Variants in CATSPER2 observed in about 807,000 individuals in gnomAD.
CATSPER2 encodes the protein cation channel sperm-associated protein 2.
In CATSPER2, 56 loss-of-function variants were observed where a neutral mutation model predicts 68.8. The observed-to-expected ratio is 0.81, with a 90% CI of 0.66 to 1.02. The LOEUF (loss-of-function observed/expected upper bound fraction) is 1.02, where lower values mean the gene tolerates loss of function less well. CATSPER2 is among the 50% of genes least tolerant of loss of function. The pLI is 0.00. For synonymous variants in CATSPER2, 198 were observed against 229.9 expected (o/e 0.86, Z 1.26); for missense variants, 582 against 642.0 (o/e 0.91, Z 1.01).
At chr15:43,644,863 G>T (rs898822490) in intron 4 of CATSPER2, among the ~76,000 whole-genome samples, 2 of 151,890 alleles carry the variant, frequency 1.3e-5, no homozygotes, top group African/African-American at 4.8e-5. Flanking sequence ...CAAGGCTTAG[G>T]ACTATAATTC....
intron 4 of CATSPER2, chr15:43,643,069 G>A (rs2086099646): frequency 6.6e-6 from 1 of 151,894 alleles, no homozygotes; most frequent in Non-Finnish European, 1.5e-5. Flanking sequence ...GATCAAGCAA[G>A]TCAGGCAAAT....
chr15:43,648,703 G>A lies in CATSPER2; in HGVS notation c.-77C>T. 1.4e-6 allele frequency: 2 copies of A among 1,473,496 alleles called. No individual in the cohort carries two copies. Among genetic ancestry groups the A allele is most frequent in the Non-Finnish European group, 9.0e-7 (1 of 1,116,558 alleles). 91.3% of individuals were successfully genotyped at this position (1,473,496 alleles called of 1,614,324 possible). The stretch of plus-strand genomic sequence containing the variant: ...CTCCAGCTCAGGTGCCCCGAGCCTG[G>A]CTACCCCTATGCAAGACGAGCTCAG... On this transcript the variant is annotated 5_prime_UTR_variant, in exon 1 of 13. Coordinates refer to ENST00000396879, the MANE Select transcript of CATSPER2 (RefSeq NM_172095.4).
At chr15:43,639,372 G>A in intron 6 of CATSPER2, 1 of 446,686 alleles carries the variant, frequency 2.2e-6, no homozygotes, top group South Asian at 2.2e-5. Flanking sequence ...AGCCTCCTGA[G>A]TAGCTGGGAT....
Position 43,629,591 on chromosome 15 carries a change from A to G in CATSPER2, c.*1110T>C, listed in dbSNP as rs1234863698. The G allele has an allele frequency of 7.0e-6, 1 of 143,590 alleles. No individual in the cohort carries two copies. The highest frequency in any genetic ancestry group is 2.8e-5 in the African/African-American group (1 of 35,500). 8.9% of individuals were successfully genotyped at this position (143,590 alleles called of 1,614,324 possible). A position where few individuals can be genotyped will look rare whatever the true frequency, so the allele number is the denominator to read the frequency against. On this transcript the variant is annotated 3_prime_UTR_variant, in exon 13 of 13. Transcript: ENST00000396879. Reference sequence around the variant, plus strand: ...GTCTAAAGACTTAAGTCTTCTAACGATGGAATGGGATCCCTTCTAGATAAT... The same window carrying G: ...GTCTAAAGACTTAAGTCTTCTAACGGTGGAATGGGATCCCTTCTAGATAAT...
At chr15:43,633,924 A>C (rs952319170) in intron 10 of CATSPER2, 5 of 151,258 alleles carry the variant, frequency 3.3e-5, no homozygotes, top group African/African-American at 1.2e-4. Context: ...GTGCCACTGC[A>C]CTCCAGCCTG....
At chr15:43,648,574 A>G (rs2086216793) in intron 1 of CATSPER2, 55 bp downstream of exon 1, 2 of 1,362,110 alleles carry the variant, frequency 1.5e-6, no homozygotes, top group East Asian at 2.8e-5. Flanking sequence ...GTCCACTCCA[A>G]CACTCCTTCG....
rs148245848 is a variant in CATSPER2 at position 43,632,924 on chromosome 15, C to G, written c.1189G>C (p.Ala397Pro). ...TCCAAACTTTCCCTTTGTTGACTAG[C>G]TCCTCTTGAACTTAAAGAAGAAATT... is the stretch of plus-strand genomic sequence containing the variant. ...HSKIEDSSRG[A>P]SQQRESLDLS... Residue 397 changes from alanine (A) to proline (P), a missense_variant, in exon 11 of 13, where the codon GCT (alanine) becomes CCT (proline). Transcript: ENST00000396879. The G allele has an allele frequency of 6.3e-7, 1 of 1,594,888 alleles. No homozygotes were observed. The highest frequency in any genetic ancestry group is 1.1e-5 in the South Asian group (1 of 90,358).
rs937811798 is a variant in CATSPER2 at position 43,637,427 on chromosome 15, T to C, written c.843-1208A>G. Among the ~76,000 whole-genome samples, 8 of 152,030 alleles carry C rather than the reference T, an allele frequency of 5.3e-5. No homozygotes were observed. In the South Asian group the frequency reaches 1.0e-3, roughly 20 times the overall value. On this transcript the variant is annotated intron_variant, in intron 7 of 12. Coordinates refer to ENST00000396879, the MANE Select transcript of CATSPER2 (RefSeq NM_172095.4). ...CTACCTTTCTTTTTAGTCCCCCATA[T>C]ACAATTTATCGAAAACATGAGAGCT...
Position 43,632,856 on chromosome 15 carries a change from A to G in CATSPER2, c.1257T>C (p.Thr419=). The change falls in exon 11 of 13, where the codon ACT becomes ACC. Residue 419 remains threonine, a synonymous_variant. Transcript: ENST00000396879. ...VSEVESNYGA[T]EEDLITSASK... ...ATGCAGATGTTATTAAATCCTCTTC[A>G]GTGGCACCATAATTAGACTCTACTT... The G allele has an allele frequency of 1.2e-6, 2 of 1,613,230 alleles. No homozygotes were observed. Among genetic ancestry groups the G allele is most frequent in the Non-Finnish European group, 1.7e-6 (2 of 1,179,454 alleles).
At chr15:43,637,708 A>G (rs1465904308) in intron 7 of CATSPER2, 2 of 151,840 alleles carry the variant, frequency 1.3e-5, no homozygotes, top group African/African-American at 2.4e-5. Context: ...TATCGTTCCA[A>G]TTTTAGTACA....
At chr15:43,644,906 A>G (rs965560915) in intron 4 of CATSPER2, among the ~76,000 whole-genome samples, 1 of 152,052 alleles carries the variant, frequency 6.6e-6, no homozygotes, top group African/African-American at 2.4e-5. Context: ...GGCAGCAATC[A>G]TACAATAAAA....
rs778305757 is a variant in CATSPER2 at position 43,639,615 on chromosome 15, C to T, written c.717+28G>A. 5.6e-6 allele frequency: 9 copies of T among 1,612,052 alleles called. 1 individual carries two copies. In the South Asian group the frequency reaches 9.9e-5, roughly 18 times the overall value. ...CCCTCACATTTATCTACCTTGCCCC[C>T]TGCTTTAGCTTGCAACAGTCAAATC... is the stretch of plus-strand genomic sequence containing the variant. On this transcript the variant is annotated intron_variant, in intron 6 of 12. Coordinates refer to ENST00000396879, the MANE Select transcript of CATSPER2 (RefSeq NM_172095.4).
chr15:43,635,841 C>T lies in CATSPER2; in HGVS notation c.1022-15G>A. On this transcript the variant is annotated splice_polypyrimidine_tract_variant and intron_variant, in intron 8 of 12. Coordinates refer to ENST00000396879, the MANE Select transcript of CATSPER2 (RefSeq NM_172095.4). ...AAAGTTAGTAACTGCCCCAAAGGGC[C>T]ATTAGGAGCTGGGAGATGGTAATGA... 1.9e-6 allele frequency: 3 copies of T among 1,608,154 alleles called. No individual in the cohort carries two copies. The highest frequency in any genetic ancestry group is 2.6e-6 in the Non-Finnish European group (3 of 1,175,588).
At chr15:43,639,158 C>G (rs577982967) in intron 6 of CATSPER2, 130 bp from the exon 7 acceptor site, 1 of 1,079,328 alleles carries the variant, frequency 9.3e-7, no homozygotes, top group African/African-American at 1.6e-5. Context: ...CATCTTTGAA[C>G]CATGGCACCT....
At chr15:43,646,174 G>T (rs1017427555) in intron 4 of CATSPER2, among the ~76,000 whole-genome samples, 3 of 151,196 alleles carry the variant, frequency 2.0e-5, no homozygotes, top group African/African-American at 7.3e-5. Flanking sequence ...AAATAAAACT[G>T]GTCTTCCCAA....
chr15:43,639,468 T>A, intron 6 of CATSPER2, 175 bp downstream of exon 6: 1 of 618,470 alleles, frequency 1.6e-6, no homozygotes, highest in Non-Finnish European at 2.9e-6. Context: ...GGTTTCACCA[T>A]GTTGGTCAGG....
At chr15:43,641,150 C>CT (rs2086066683) in intron 4 of CATSPER2, among the ~76,000 whole-genome samples, 1 of 148,318 alleles carries the variant, frequency 6.7e-6, no homozygotes, top group South Asian at 2.1e-4. Context: ...GAGTTTCGCT[C>CT]TTGTTGCCCA....
At chr15:43,631,181 GA>G (rs1422878521) in intron 12 of CATSPER2, among the ~76,000 whole-genome samples, 1 of 151,886 alleles carries the variant, frequency 6.6e-6, no homozygotes, top group African/African-American at 2.4e-5. Flanking sequence ...GGTATGAGGG[GA>G]AAAACCCAGA....
At chr15:43,635,692 G>A (rs2085950705) in intron 9 of CATSPER2, 35 bp downstream of exon 9, 3 of 1,583,942 alleles carry the variant, frequency 1.9e-6, no homozygotes, top group Non-Finnish European at 2.6e-6. Flanking sequence ...AAACCCTTGA[G>A]AAGGAAAGTT....
Sources: gnomAD v4.1 joint callset for allele counts (sites outside exome capture counted in the v4.1 genomes callset) on GRCh38, gnomAD v4.1.1 for gene constraint, MANE v1.5 for transcripts, NCBI Gene and HGNC (gene_info 2026-07-23, HGNC 2026-07-21) for gene names.